GALNTL6: variants seen among roughly 807,000 people sequenced by gnomAD.
GALNTL6 encodes the protein polypeptide N-acetylgalactosaminyltransferase-like 6.
Under a neutral mutation model 73.7 loss-of-function variants are expected in GALNTL6, and 46 were observed. That is an observed-to-expected ratio of 0.62 (90% CI 0.49 to 0.80). The LOEUF is 0.80. GALNTL6 is among the 30% of genes least tolerant of loss of function. GALNTL6 has a pLI of 0.00. For synonymous variants in GALNTL6, 259 were observed against 263.7 expected, an observed-to-expected ratio of 0.98 and a Z score of 0.17; for missense variants, 604 against 755.0, an observed-to-expected ratio of 0.80 and a Z score of 2.34.
intron 2 of GALNTL6, among the ~76,000 whole-genome samples, chr4:172,126,253 A>AT (rs1733290393): frequency 1.3e-5 from 2 of 152,100 alleles, no homozygotes; most frequent in African/African-American, 2.4e-5. Flanking sequence ...TTGTTTTAGC[A>AT]TTTTTTTCTT....
At chr4:172,759,483 A>G (rs548351239) in intron 5 of GALNTL6, among the ~76,000 whole-genome samples, 99 of 152,354 alleles carry the variant, frequency 6.5e-4, no homozygotes, top group African/African-American at 2.2e-3. Context: ...GCAATCATAT[A>G]TGTCATACCA....
chr4:172,559,653 A>G (rs1736279943), intron 5 of GALNTL6, among the ~76,000 whole-genome samples: 1 of 152,202 alleles, frequency 6.6e-6, no homozygotes, highest in Non-Finnish European at 1.5e-5. Context: ...TTCATATAGT[A>G]AACTCTGAGT....
chr4:172,222,719 G>A (rs1426001749), intron 2 of GALNTL6, among the ~76,000 whole-genome samples: 6 of 151,912 alleles, frequency 3.9e-5, no homozygotes, highest in African/African-American at 1.4e-4. Context: ...CATTAAAATG[G>A]TACATGAAAA....
chr4:172,119,162 A>G (rs562111485), intron 2 of GALNTL6, among the ~76,000 whole-genome samples: 11 of 152,308 alleles, frequency 7.2e-5, no homozygotes, highest in Middle Eastern at 3.4e-3. Flanking sequence ...TTTGCAATGC[A>G]TTTATATAAG....
chr4:172,550,253 C>T (rs550157091), intron 5 of GALNTL6, among the ~76,000 whole-genome samples: 27 of 152,274 alleles, frequency 1.8e-4, no homozygotes, highest in Non-Finnish European at 2.5e-4. Context: ...CCATCCAAAA[C>T]GAATATTCAT....
At chr4:172,806,174 A>G (rs1740946776) in intron 5 of GALNTL6, among the ~76,000 whole-genome samples, 1 of 152,216 alleles carries the variant, frequency 6.6e-6, no homozygotes, top group Non-Finnish European at 1.5e-5. Flanking sequence ...CTACTAAGAG[A>G]GAAAGGACCC....
At chr4:172,634,851 T>C (rs1159294824) in intron 5 of GALNTL6, among the ~76,000 whole-genome samples, 1 of 152,140 alleles carries the variant, frequency 6.6e-6, no homozygotes, top group Non-Finnish European at 1.5e-5. Context: ...TTAAACAAGG[T>C]ATTTTAATAC....
At chr4:171,904,424 A>C (rs7699364) in intron 2 of GALNTL6, among the ~76,000 whole-genome samples, 73,835 of 151,466 alleles carry the variant, frequency 0.49, 18,136 homozygotes, top group Middle Eastern at 0.62. Flanking sequence ...TGAAACAAAG[A>C]GAGAAGGGAA....
intron 5 of GALNTL6, among the ~76,000 whole-genome samples, chr4:172,734,639 A>G (rs1337863094): frequency 2.0e-5 from 3 of 152,190 alleles, no homozygotes; most frequent in East Asian, 1.9e-4. Flanking sequence ...TGCAGGATAC[A>G]GAGCACCTCC....
At chr4:172,960,278 A>G (rs1163467638) in intron 10 of GALNTL6, among the ~76,000 whole-genome samples, 1 of 152,240 alleles carries the variant, frequency 6.6e-6, no homozygotes, top group Non-Finnish European at 1.5e-5. Context: ...AAGGAGCATT[A>G]ACCTTGACTA....
At chr4:172,866,252 C>T (rs1744656616) in intron 7 of GALNTL6, among the ~76,000 whole-genome samples, 1 of 152,090 alleles carries the variant, frequency 6.6e-6, no homozygotes, top group South Asian at 2.1e-4. Context: ...AGTAAATCCT[C>T]GTTGATTCTG....
chr4:172,078,656 G>T (rs551107190), intron 2 of GALNTL6, among the ~76,000 whole-genome samples: 2 of 152,256 alleles, frequency 1.3e-5, no homozygotes, highest in East Asian at 3.9e-4. Flanking sequence ...TGAAAAGCCT[G>T]ATATGTAGAA....
chr4:172,000,295 T>C (rs1740635535), intron 2 of GALNTL6, among the ~76,000 whole-genome samples: 1 of 152,178 alleles, frequency 6.6e-6, no homozygotes. Context: ...TCTTCCTGCT[T>C]ACAGATAAAT....
chr4:172,020,607 C>G (rs2110799684), intron 2 of GALNTL6, among the ~76,000 whole-genome samples: 1 of 151,294 alleles, frequency 6.6e-6, no homozygotes, highest in South Asian at 2.1e-4. Context: ...GAGATTAGAC[C>G]ATGAAGAAAT....
intron 2 of GALNTL6, among the ~76,000 whole-genome samples, chr4:172,210,886 C>G (rs1471248252): frequency 6.6e-6 from 1 of 152,146 alleles, no homozygotes; most frequent in Non-Finnish European, 1.5e-5. Context: ...TCAGTATAGT[C>G]TCACAGACAT....
chr4:172,694,327 A>G (rs10021317), intron 5 of GALNTL6, among the ~76,000 whole-genome samples: 6,889 of 151,802 alleles, frequency 0.045, 311 homozygotes, highest in African/African-American at 0.11. Context: ...CCAGTGTATG[A>G]TGTTCCCCTC....
At chr4:172,141,907 ACACACC>A (rs766186680) in intron 2 of GALNTL6, among the ~76,000 whole-genome samples, 2,296 of 125,720 alleles carry the variant, frequency 0.018, 16 homozygotes, top group Admixed American at 0.023. Flanking sequence ...ACACACACAC[ACACACC>A]CCCCACACTC....
rs570680141 is a variant in GALNTL6 at position 173,040,833 on chromosome 4, G to T, written c.*733G>T. 6.6e-6 allele frequency: 1 copy of T among 152,212 alleles called. No homozygotes were observed. Among genetic ancestry groups the T allele is most frequent in the East Asian group, 1.9e-4 (1 of 5,170 alleles). 9.4% of individuals were successfully genotyped at this position (152,212 alleles called of 1,614,324 possible). ...AATTCAGTGCCCTTCTATGAATCCA[G>T]TTAAAAACAAAAGCAAAAGCAAAAA... On this transcript the variant is annotated 3_prime_UTR_variant, in exon 13 of 13. Transcript: ENST00000506823.
intron 7 of GALNTL6, among the ~76,000 whole-genome samples, chr4:172,846,855 A>G (rs1447057959): frequency 6.6e-6 from 1 of 152,244 alleles, no homozygotes; most frequent in African/African-American, 2.4e-5. Context: ...CATGAATTTT[A>G]GAAGTCTTAC....
Sources: allele counts gnomAD v4.1 joint callset (sites outside exome capture counted in the v4.1 genomes callset), GRCh38; gene constraint gnomAD v4.1.1; transcripts MANE v1.5; gene names NCBI Gene and HGNC (gene_info 2026-07-23, HGNC 2026-07-21).